UTP18: variants seen among roughly 807,000 people sequenced by gnomAD.
UTP18 encodes UTP18 small subunit processome component, also known as U3 small nucleolar RNA-associated protein 18 homolog.
In UTP18, 36 loss-of-function variants were observed where a neutral mutation model predicts 61.1. That is an observed-to-expected ratio of 0.59 (90% CI 0.45 to 0.78). The LOEUF is 0.78. Ranked by LOEUF, UTP18 falls within the 30% of genes least tolerant of loss-of-function variation. The pLI is 0.00. For missense variants in UTP18, 753 were observed against 693.9 expected, an observed-to-expected ratio of 1.09 and a Z score of -0.96; for synonymous variants, 282 against 251.1, an observed-to-expected ratio of 1.12 and a Z score of -1.16.
At chr17:51,282,057 C>A (rs1355964543) in intron 9 of UTP18, among the ~76,000 whole-genome samples, 1 of 152,182 alleles carries the variant, frequency 6.6e-6, no homozygotes, top group African/African-American at 2.4e-5. Context: ...GACTTGTTAA[C>A]TCTTACTGTC....
intron 4 of UTP18, among the ~76,000 whole-genome samples, chr17:51,269,294 CAAAAAAAAAAAAAAAA>C (rs58681434): frequency 2.0e-4 from 13 of 66,666 alleles, no homozygotes; most frequent in East Asian, 1.1e-3. Context: ...GACTCTGTCT[CAAAAAAAAAAAAAAAA>C]AAAAAAAAAA....
chr17:51,280,065 T>C lies in UTP18; in HGVS notation c.1073T>C (p.Ile358Thr). The change falls in exon 8 of 14, where the codon ATA (isoleucine) becomes ACA (threonine). Residue 358 changes from isoleucine (I) to threonine (T), a missense_variant. Ile to Thr is a moderately conservative substitution (Grantham distance 89). Transcript: ENST00000225298. Reference sequence around the variant, plus strand: ...TCCCCAGATGGGTCCTTCTTGCTCATAAATGGCATTGCTGGATATTTGCAT... The same window carrying C: ...TCCCCAGATGGGTCCTTCTTGCTCACAAATGGCATTGCTGGATATTTGCAT... Reference protein sequence around the residue: ...EVSPDGSFLLINGIAGYLHLL... With the variant: ...EVSPDGSFLLTNGIAGYLHLL... The C allele has an allele frequency of 6.2e-7, 1 of 1,614,004 alleles. No individual in the cohort carries two copies. The highest frequency in any genetic ancestry group is 8.5e-7 in the Non-Finnish European group (1 of 1,179,952).
chr17:51,266,173 T>C lies in UTP18; in HGVS notation c.456-9T>C, dbSNP rs769895077. 7.0e-6 allele frequency: 11 copies of C among 1,570,520 alleles called. No individual in the cohort carries two copies. The Admixed American group carries it at 1.0e-4, about 15-fold the overall frequency. On this transcript the variant is annotated splice_polypyrimidine_tract_variant and intron_variant, in intron 2 of 13. Coordinates refer to ENST00000225298, the MANE Select transcript of UTP18 (RefSeq NM_016001.3). ...AAGTTATTTAAAATATGCTGTTCTG[T>C]TTTTGTAGGGTTGACATGATGAACA...
chr17:51,286,842 A>G (rs1905131149), intron 10 of UTP18, among the ~76,000 whole-genome samples: 2 of 152,238 alleles, frequency 1.3e-5, no homozygotes, highest in South Asian at 4.1e-4. Flanking sequence ...TTTTTTTATT[A>G]TACTTTTAAG....
intron 9 of UTP18, among the ~76,000 whole-genome samples, chr17:51,282,388 T>G (rs1300579782): frequency 6.6e-6 from 1 of 152,202 alleles, no homozygotes; most frequent in Non-Finnish European, 1.5e-5. Flanking sequence ...GGTATGTTTT[T>G]AATCAATGCA....
chr17:51,267,938 C>A (rs1273493422), intron 3 of UTP18, among the ~76,000 whole-genome samples: 1 of 125,298 alleles, frequency 8.0e-6, no homozygotes, highest in Non-Finnish European at 1.7e-5. Flanking sequence ...GTCTGTACTT[C>A]TGCATCAAAA....
intron 9 of UTP18, among the ~76,000 whole-genome samples, chr17:51,282,448 GAAGA>G (rs1368492444): frequency 6.6e-6 from 1 of 151,466 alleles, no homozygotes; most frequent in East Asian, 1.9e-4. Context: ...GTTTTTGTGA[GAAGA>G]AAGAAGAAAA....
intron 11 of UTP18, among the ~76,000 whole-genome samples, chr17:51,289,765 G>A (rs1272562603): frequency 1.3e-5 from 2 of 152,168 alleles, no homozygotes; most frequent in Non-Finnish European, 2.9e-5. Context: ...TATTTTTATT[G>A]TGCTCACTTG....
In UTP18 at chr17:51,260,602, G is replaced by A. The variant is rs759243690; in HGVS notation, c.18G>A (p.Arg6=). 11 of 1,612,476 alleles carry A rather than the reference G, an allele frequency of 6.8e-6. No homozygotes were observed. Among genetic ancestry groups the A allele is most frequent in the South Asian group, 1.1e-5 (1 of 91,068 alleles). MPPER[R]RRMKLDRRTG... Reference sequence around the variant, plus strand: ...ACCTAACGATGCCGCCGGAGCGGAGGAGACGAATGAAACTGGACCGGAGAA... The same window carrying A: ...ACCTAACGATGCCGCCGGAGCGGAGAAGACGAATGAAACTGGACCGGAGAA... The change falls in exon 1 of 14, where the codon AGG becomes AGA. Residue 6 remains arginine (R), a synonymous_variant. Coordinates refer to ENST00000225298, the MANE Select transcript of UTP18 (RefSeq NM_016001.3).
chr17:51,276,648 T>A (rs1904731931), intron 6 of UTP18, among the ~76,000 whole-genome samples: 1 of 151,976 alleles, frequency 6.6e-6, no homozygotes, highest in Non-Finnish European at 1.5e-5. Flanking sequence ...CTGATGGGGG[T>A]ATAGATGGTG....
chr17:51,280,160 T>A (rs1372161917), intron 8 of UTP18, 55 bp downstream of exon 8: 9 of 1,536,102 alleles, frequency 5.9e-6, no homozygotes. Flanking sequence ...AGTGTAGGGA[T>A]AGTCTTGCAC....
At chr17:51,297,696 T>C in intron 13 of UTP18, 86 bp from the exon 14 acceptor site, 1 of 423,088 alleles carries the variant, frequency 2.4e-6, no homozygotes, top group Non-Finnish European at 4.6e-6. Flanking sequence ...AGCTCTCCTG[T>C]CTCAAAAGAT....
chr17:51,292,915 C>T lies in UTP18; in HGVS notation c.1504-988C>T, dbSNP rs566236357. ...AGTTAGATTTTCATGATTCAGCCCT[C>T]TTCGAGGAGAAATTGTAAAAGGCAA... On this transcript the variant is annotated intron_variant, in intron 11 of 13. Coordinates refer to ENST00000225298, the MANE Select transcript of UTP18 (RefSeq NM_016001.3). Among the ~76,000 whole-genome samples the T allele has an allele frequency of 8.5e-5, 13 of 152,282 alleles. No homozygotes were observed. In the South Asian group the frequency reaches 2.5e-3, roughly 29 times the overall value.
At chr17:51,288,405 C>A in intron 11 of UTP18, 1 of 543,090 alleles carries the variant, frequency 1.8e-6, no homozygotes, top group Non-Finnish European at 3.3e-6. Context: ...TCACTTCTTT[C>A]AGTAAAGCTT....
intron 5 of UTP18, among the ~76,000 whole-genome samples, chr17:51,274,022 C>T (rs182544831): frequency 3.2e-4 from 48 of 152,320 alleles, no homozygotes; most frequent in Admixed American, 2.4e-3. Flanking sequence ...TCGTATTCTA[C>T]ACTGCCCTTT....
In UTP18 at chr17:51,268,823, A is replaced by G. The variant is rs761257805; in HGVS notation, c.555-14A>G. The G allele has an allele frequency of 2.0e-5, 32 of 1,612,630 alleles. No individual in the cohort carries two copies. The Admixed American group carries it at 5.0e-4, about 25-fold the overall frequency. ...TGGTTGCCATAAATATATTTTTCAA[A>G]TATTTTTGCTTAGATTCCAACATGC... On this transcript the variant is annotated splice_polypyrimidine_tract_variant and intron_variant, in intron 3 of 13. Transcript: ENST00000225298.
At chr17:51,295,553 G>A (rs1029720077) in intron 12 of UTP18, among the ~76,000 whole-genome samples, 28 of 152,174 alleles carry the variant, frequency 1.8e-4, no homozygotes, top group East Asian at 9.7e-4. Context: ...TGTTCCATTG[G>A]TCTATATCTC....
chr17:51,261,843 C>G (rs773281422), intron 1 of UTP18, among the ~76,000 whole-genome samples: 12 of 151,840 alleles, frequency 7.9e-5, no homozygotes, highest in Admixed American at 2.0e-4. Context: ...TTACCAGAGC[C>G]GCCTTCGGGT....
intron 3 of UTP18, among the ~76,000 whole-genome samples, chr17:51,267,497 C>T (rs1227939701): frequency 1.3e-5 from 2 of 150,830 alleles, no homozygotes; most frequent in Non-Finnish European, 2.9e-5. Context: ...TTTTTATCAC[C>T]TCAAAAGAAA....
Sources: gnomAD v4.1 joint callset for allele counts (sites outside exome capture counted in the v4.1 genomes callset) on GRCh38, gnomAD v4.1.1 for gene constraint, MANE v1.5 for transcripts, NCBI Gene and HGNC (gene_info 2026-07-23, HGNC 2026-07-21) for gene names.